Variants in TNS3 observed in about 807,000 individuals in gnomAD.
The protein encoded by TNS3 is tensin 3, also known as tensin-3.
A neutral mutation model predicts 140.9 loss-of-function variants in TNS3; 45 were observed. The observed-to-expected ratio is 0.32, with a 90% CI of 0.25 to 0.41. TNS3 has a LOEUF of 0.41. Among genes scored for constraint, TNS3 ranks in the 10% least tolerant of loss-of-function variants. TNS3 has a pLI of 1.00. For synonymous variants in TNS3, 815 were observed against 788.4 expected (o/e 1.03, Z -0.56); for missense variants, 1,716 against 1,906.7 (o/e 0.90, Z 1.86).
chr7:47,478,776 A>G (rs1176662045), intron 4 of TNS3, among the ~76,000 whole-genome samples: 1 of 152,122 alleles, frequency 6.6e-6, no homozygotes, highest in Non-Finnish European at 1.5e-5. Flanking sequence ...TAACATACAT[A>G]TTCATTTGTG....
intron 16 of TNS3, among the ~76,000 whole-genome samples, chr7:47,394,208 C>T (rs1484545443): frequency 6.6e-6 from 1 of 152,208 alleles, no homozygotes; most frequent in Non-Finnish European, 1.5e-5. Context: ...TATTTGTGTC[C>T]CCTAAGATTC....
In TNS3 at chr7:47,275,967, CAGA is replaced by C; in HGVS notation, c.*2106_*2108del. 1 of 427,568 alleles carries C rather than the reference CAGA, an allele frequency of 2.3e-6. No individual in the cohort carries two copies. Among genetic ancestry groups the C allele is most frequent in the South Asian group, 1.7e-5 (1 of 59,826 alleles). 26.5% of individuals were successfully genotyped at this position (427,568 alleles called of 1,614,324 possible). On this transcript the variant is annotated 3_prime_UTR_variant, in exon 31 of 31. Coordinates refer to ENST00000311160, the MANE Select transcript of TNS3 (RefSeq NM_022748.12). ...CTAAATGAGCTCTCTCATCCTTCAT[CAGA>C]AGGATAAGGAACCTGGCCTGCACTC...
chr7:47,563,699 G>A (rs1454921647), intron 1 of TNS3, among the ~76,000 whole-genome samples: 2 of 152,326 alleles, frequency 1.3e-5, no homozygotes, highest in South Asian at 2.1e-4. Flanking sequence ...ACTGAGCAGG[G>A]AGGACACTGT....
At position 47,283,857 on chromosome 7, in the gene TNS3, C is replaced by T. The variant is rs1785272001; in HGVS notation, c.3937G>A (p.Val1313Met). 1 of 1,598,456 alleles carries T rather than the reference C, an allele frequency of 6.3e-7. No individual in the cohort carries two copies. Among genetic ancestry groups the T allele is most frequent in the South Asian group, 1.1e-5 (1 of 87,840 alleles). The change falls in exon 28 of 31, where the codon GTG becomes ATG. Residue 1313 changes from valine to methionine, a missense_variant. By Grantham distance (21) the Val-to-Met change is conservative (BLOSUM62 1). Coordinates refer to ENST00000311160, the MANE Select transcript of TNS3 (RefSeq NM_022748.12). ...ELLKQGAACNVWYLNSVEMES... is the reference protein window; with the variant it reads ...ELLKQGAACNMWYLNSVEMES... ...ATCTCCACAGAGTTCAAGTACCACA[C>T]ATTGCAGGCTGGAAGACACCAAGGG...
At chr7:47,517,761 GA>G (rs1222043297) in intron 2 of TNS3, among the ~76,000 whole-genome samples, 1 of 152,174 alleles carries the variant, frequency 6.6e-6, no homozygotes, top group Non-Finnish European at 1.5e-5. Context: ...TGAGGTACAG[GA>G]AAGTAACTCC....
At chr7:47,540,313 C>T (rs918730917) in intron 1 of TNS3, among the ~76,000 whole-genome samples, 5 of 152,144 alleles carry the variant, frequency 3.3e-5, no homozygotes, top group South Asian at 2.1e-4. Context: ...GAATTCCAGA[C>T]GGCTAAGGCA....
At chr7:47,403,530 CT>C (rs888087829) in intron 13 of TNS3, 145 of 152,346 alleles carry the variant, frequency 9.5e-4, no homozygotes, top group African/African-American at 3.4e-3. Context: ...TTAATGCTAA[CT>C]TTGTTTGCTG....
intron 8 of TNS3, among the ~76,000 whole-genome samples, chr7:47,430,689 C>T (rs949790931): frequency 6.6e-6 from 1 of 151,636 alleles, no homozygotes; most frequent in South Asian, 2.1e-4. Context: ...CAAACCTTAA[C>T]GAATTTAAGG....
intron 8 of TNS3, among the ~76,000 whole-genome samples, chr7:47,434,206 AT>A (rs1404129059): frequency 6.6e-6 from 1 of 152,054 alleles, no homozygotes; most frequent in African/African-American, 2.4e-5. Context: ...TGCAGGAAAG[AT>A]ATACTGAGAG....
At chr7:47,405,984 C>G (rs948755864) in intron 13 of TNS3, among the ~76,000 whole-genome samples, 4 of 152,214 alleles carry the variant, frequency 2.6e-5, no homozygotes, top group African/African-American at 9.6e-5. Flanking sequence ...GACCTGAGAG[C>G]CGAGACCAGG....
At chr7:47,295,715 A>C (rs1785973011) in intron 24 of TNS3, among the ~76,000 whole-genome samples, 2 of 150,732 alleles carry the variant, frequency 1.3e-5, no homozygotes, top group African/African-American at 2.4e-5. Context: ...CACCCCTTCC[A>C]CTCTCACACC....
chr7:47,336,087 C>T (rs1028890884), intron 20 of TNS3, among the ~76,000 whole-genome samples: 2 of 151,338 alleles, frequency 1.3e-5, no homozygotes, highest in Non-Finnish European at 2.9e-5. Flanking sequence ...ATGCTGAATG[C>T]GGAAAATCTT....
intron 20 of TNS3, among the ~76,000 whole-genome samples, chr7:47,331,132 TGA>T (rs1414296266): frequency 6.6e-6 from 1 of 152,142 alleles, no homozygotes; most frequent in Non-Finnish European, 1.5e-5. Flanking sequence ...CTGCAAACTG[TGA>T]GTCTCTCTAC....
At chr7:47,315,637 T>C (rs1787354434) in intron 20 of TNS3, among the ~76,000 whole-genome samples, 1 of 152,240 alleles carries the variant, frequency 6.6e-6, no homozygotes, top group African/African-American at 2.4e-5. Context: ...GCAGGGCCAC[T>C]GGCTCGCTCT....
chr7:47,330,124 C>G (rs973173236), intron 20 of TNS3, among the ~76,000 whole-genome samples: 3 of 152,170 alleles, frequency 2.0e-5, no homozygotes, highest in African/African-American at 4.8e-5. Context: ...TCTGCTCCCC[C>G]CACCCAAACA....
intron 13 of TNS3, among the ~76,000 whole-genome samples, chr7:47,406,102 C>G (rs1230057283): frequency 6.6e-6 from 1 of 152,164 alleles, no homozygotes; most frequent in Admixed American, 6.5e-5. Context: ...CTGCCCTCCC[C>G]ATGGCACTGT....
rs149242172 is a variant in TNS3, at chr7:47,576,354, A to AG, written c.-265+5696dup. Among the ~76,000 whole-genome samples, 1,303 of 152,266 alleles carry AG rather than the reference A, an allele frequency of 8.6e-3. 20 individuals carry two copies. Among genetic ancestry groups the AG allele is most frequent in the African/African-American group, 0.03 (1,242 of 41,556 alleles). ...AACCAGTGGAGGAGCAAACCTGTGGAGGAACGACAACCCCAGGCTGCAGGT... is the reference window on the plus strand; with the variant it reads ...AACCAGTGGAGGAGCAAACCTGTGGAGGGAACGACAACCCCAGGCTGCAGGT... On this transcript the variant is annotated intron_variant, in intron 1 of 30. Transcript: ENST00000311160.
At chr7:47,304,299 A>G (rs2150721654) in intron 21 of TNS3, among the ~76,000 whole-genome samples, 1 of 152,366 alleles carries the variant, frequency 6.6e-6, no homozygotes, top group African/African-American at 2.4e-5. Context: ...TTCACTAGCA[A>G]TGGAACATTC....
intron 2 of TNS3, among the ~76,000 whole-genome samples, chr7:47,521,105 C>A (rs1327521396): frequency 2.0e-5 from 3 of 152,136 alleles, no homozygotes; most frequent in Non-Finnish European, 2.9e-5. Flanking sequence ...ATAGTAGGGG[C>A]AGTCGGCCCA....
Sources: gnomAD v4.1 joint callset for allele counts (sites outside exome capture counted in the v4.1 genomes callset) on GRCh38, gnomAD v4.1.1 for gene constraint, MANE v1.5 for transcripts, NCBI Gene and HGNC (gene_info 2026-07-23, HGNC 2026-07-21) for gene names.